FKBP1A: variants seen among roughly 807,000 people sequenced by gnomAD.
FKBP1A encodes the protein FKBP prolyl isomerase 1A.
FKBP1A carries 5 observed loss-of-function variants against 14.2 expected under a neutral mutation model. That is an observed-to-expected ratio of 0.35 (90% CI 0.18 to 0.74). The LOEUF is 0.74. Ranked by LOEUF, FKBP1A falls within the 30% of genes least tolerant of loss-of-function variation. FKBP1A has a pLI of 0.56. For missense variants in FKBP1A, 53 were observed against 138.8 expected (o/e 0.38, Z 3.10); for synonymous variants, 42 against 49.1 (o/e 0.86, Z 0.60).
intron 2 of FKBP1A, among the ~76,000 whole-genome samples, chr20:1,385,773 C>G (rs559568710): frequency 6.6e-6 from 1 of 152,230 alleles, no homozygotes; most frequent in East Asian, 1.9e-4. Context: ...TACATACACA[C>G]CAGGGATACC....
intron 2 of FKBP1A, among the ~76,000 whole-genome samples, chr20:1,392,166 A>T (rs923601751): frequency 6.6e-6 from 1 of 152,234 alleles, no homozygotes; most frequent in Non-Finnish European, 1.5e-5. Context: ...GCTTTCGGTC[A>T]GCCTGAGCCA....
chr20:1,384,227 T>C (rs541576680), intron 2 of FKBP1A, among the ~76,000 whole-genome samples: 71 of 152,298 alleles, frequency 4.7e-4, no homozygotes, highest in Admixed American at 1.7e-3. Context: ...GTAAATATAA[T>C]GTAATTAAAT....
rs1018655649 is a variant in FKBP1A, at chr20:1,369,726, C to G, written c.*383G>C. ...TAAAATAAAATATTCTTGCAAACCC[C>G]CCCCCCAACACCAATTCCTATTCTA... On this transcript the variant is annotated 3_prime_UTR_variant, in exon 5 of 5. Transcript: ENST00000400137. 3.3e-5 allele frequency: 8 copies of G among 241,568 alleles called. No homozygotes were observed. The highest frequency in any genetic ancestry group is 1.3e-3 in the Middle Eastern group (1 of 792). 15.0% of individuals were successfully genotyped at this position (241,568 alleles called of 1,614,324 possible). A position where few individuals can be genotyped will look rare whatever the true frequency, so the allele number is the denominator to read the frequency against.
At chr20:1,388,062 G>A (rs1385520703) in intron 2 of FKBP1A, among the ~76,000 whole-genome samples, 1 of 152,184 alleles carries the variant, frequency 6.6e-6, no homozygotes. Context: ...GCACTCCACA[G>A]ATCACTGCTA....
At chr20:1,374,896 GCA>G (rs1568586437) in intron 3 of FKBP1A, among the ~76,000 whole-genome samples, 1 of 152,176 alleles carries the variant, frequency 6.6e-6, no homozygotes, top group African/African-American at 2.4e-5. Flanking sequence ...GAGCGCAATG[GCA>G]CAATCTTGGC....
intron 3 of FKBP1A, among the ~76,000 whole-genome samples, chr20:1,375,043 G>T (rs1221641921): frequency 6.6e-6 from 1 of 152,046 alleles, no homozygotes; most frequent in Non-Finnish European, 1.5e-5. Context: ...CGCCATGTTG[G>T]CCAGGCTGGT....
intron 2 of FKBP1A, among the ~76,000 whole-genome samples, chr20:1,385,590 C>A (rs1242001700): frequency 1.3e-5 from 2 of 152,048 alleles, no homozygotes; most frequent in African/African-American, 2.4e-5. Flanking sequence ...GACCCTACTA[C>A]CCCTCGGCTG....
chr20:1,371,671 T>A, intron 4 of FKBP1A: 1 of 979,170 alleles, frequency 1.0e-6, no homozygotes, highest in Non-Finnish European at 1.2e-6. Context: ...CCAAAGGGCT[T>A]TTTTTTTCCC....
chr20:1,372,287 A>G (rs199853403), intron 3 of FKBP1A, 47 bp from the exon 4 acceptor site: 2 of 1,597,032 alleles, frequency 1.3e-6, no homozygotes, highest in African/African-American at 1.3e-5. Context: ...ACATGCCCCA[A>G]CTGTCTCTGT....
chr20:1,388,149 T>C (rs1164066983), intron 2 of FKBP1A, among the ~76,000 whole-genome samples: 4 of 152,244 alleles, frequency 2.6e-5, no homozygotes, highest in Non-Finnish European at 5.9e-5. Context: ...CCATGTGTGC[T>C]GAGGATGAAG....
intron 2 of FKBP1A, among the ~76,000 whole-genome samples, chr20:1,390,923 C>T (rs958983952): frequency 5.9e-5 from 9 of 152,180 alleles, no homozygotes; most frequent in Admixed American, 2.0e-4. Flanking sequence ...CATGTGGGTG[C>T]GTGCCACCCG....
At chr20:1,371,766 AT>A in intron 4 of FKBP1A, 1 of 1,039,644 alleles carries the variant, frequency 9.6e-7, no homozygotes, top group Non-Finnish European at 1.2e-6. Context: ...GGCACTACAA[AT>A]TTGGCCTACA....
chr20:1,383,753 C>A (rs1211569828), intron 2 of FKBP1A, among the ~76,000 whole-genome samples: 2 of 146,988 alleles, frequency 1.4e-5, no homozygotes, highest in Admixed American at 6.8e-5. Flanking sequence ...TGGGAGATCA[C>A]TTGAGCCCAG....
chr20:1,373,994 A>G (rs182345652), intron 3 of FKBP1A, among the ~76,000 whole-genome samples: 1 of 152,340 alleles, frequency 6.6e-6, no homozygotes, highest in East Asian at 1.9e-4. Flanking sequence ...CTGAAAGTTG[A>G]GCAGTTTATT....
chr20:1,391,233 A>G (rs999056389), intron 2 of FKBP1A, among the ~76,000 whole-genome samples: 72 of 152,168 alleles, frequency 4.7e-4, no homozygotes, highest in Admixed American at 2.7e-3. Context: ...TCACGGCTTG[A>G]GTCCCAATCT....
At chr20:1,376,360 GAA>G (rs1323390003) in intron 2 of FKBP1A, among the ~76,000 whole-genome samples, 4 of 152,152 alleles carry the variant, frequency 2.6e-5, no homozygotes, top group Non-Finnish European at 5.9e-5. Context: ...AGAAATGAAA[GAA>G]AGAATTTGTG....
rs1052927128 is a variant in FKBP1A, at chr20:1,370,010, G to C, written c.*99C>G. On this transcript the variant is annotated 3_prime_UTR_variant, in exon 5 of 5. Transcript: ENST00000400137. ...CTATACAAAGTGGAGTGGAACATCA[G>C]GAAAAGCTCCATATGGATTCATGTG... The C allele has an allele frequency of 6.5e-7, 1 of 1,549,848 alleles. No individual in the cohort carries two copies. Among genetic ancestry groups the C allele is most frequent in the South Asian group, 1.2e-5 (1 of 83,980 alleles).
chr20:1,382,008 C>T lies in FKBP1A; in HGVS notation c.86-6405G>A, dbSNP rs115406798. Among the ~76,000 whole-genome samples, 1,055 of 152,290 alleles carry T rather than the reference C, an allele frequency of 6.9e-3. 10 individuals are homozygous for T. Among genetic ancestry groups the T allele is most frequent in the African/African-American group, 0.023 (966 of 41,528 alleles). On this transcript the variant is annotated intron_variant, in intron 2 of 4. Coordinates refer to ENST00000400137, the MANE Select transcript of FKBP1A (RefSeq NM_000801.5). ...TGTGCAGTATATTGGATTTCAATCA[C>T]GCCTCAGTAACTTTTTTAAAAAAGG...
chr20:1,372,027 T>A (rs1322058027), intron 4 of FKBP1A, 49 bp downstream of exon 4: 2 of 1,581,862 alleles, frequency 1.3e-6, no homozygotes, highest in Non-Finnish European at 8.6e-7. Flanking sequence ...GGGCATAACA[T>A]GGGAGGAGCA....
Sources: allele counts gnomAD v4.1 joint callset (sites outside exome capture counted in the v4.1 genomes callset), GRCh38; gene constraint gnomAD v4.1.1; transcripts MANE v1.5; gene names NCBI Gene and HGNC (gene_info 2026-07-23, HGNC 2026-07-21).